INTS12: variants seen among roughly 807,000 people sequenced by gnomAD.
INTS12 encodes the protein integrator complex subunit 12, also known as PHD finger protein 22.
INTS12 carries 13 observed loss-of-function variants against 41.6 expected under a neutral mutation model. The ratio of observed to expected loss-of-function variants is 0.31; its 90% confidence interval spans 0.20 to 0.50. The LOEUF (loss-of-function observed/expected upper bound fraction) is 0.50, where lower values mean the gene tolerates loss of function less well. Among genes scored for constraint, INTS12 ranks in the 20% least tolerant of loss-of-function variants. INTS12 has a pLI of 0.98. For missense variants in INTS12, 432 were observed against 541.6 expected (o/e 0.80, Z 2.01); for synonymous variants, 199 against 191.4 (o/e 1.04, Z -0.33).
intron 4 of INTS12, among the ~76,000 whole-genome samples, chr4:105,694,438 G>A (rs965845169): frequency 6.6e-6 from 1 of 151,970 alleles, no homozygotes; most frequent in Non-Finnish European, 1.5e-5. Context: ...TGATTCTCAC[G>A]TCTCAGCCTC....
Position 105,699,873 on chromosome 4 carries a change from A to G in INTS12, c.133T>C (p.Ser45Pro). The part of the protein sequence containing the change: ...LDESLARGID[S>P]SYRPSQKDVE... ...ACCTTTTGAGATGGACGGTAACTGG[A>G]ATCAATGCCCCGAGCCAAAGATTCA... The change falls in exon 3 of 8, where the codon TCC becomes CCC. Residue 45 changes from serine to proline, a missense_variant. Ser to Pro is a moderately conservative substitution (Grantham distance 74). This residue lies in a region of INTS12 where 168 missense variants were observed against 198.9 expected (regional missense o/e 0.84). Transcript: ENST00000340139. 1 of 1,538,776 alleles carries G rather than the reference A, an allele frequency of 6.5e-7. No individual in the cohort carries two copies. The highest frequency in any genetic ancestry group is 8.8e-7 in the Non-Finnish European group (1 of 1,130,642).
chr4:105,692,301 C>T (rs549603059), intron 5 of INTS12, among the ~76,000 whole-genome samples, 166 bp from the exon 6 acceptor site: 2 of 151,766 alleles, frequency 1.3e-5, no homozygotes, highest in South Asian at 2.1e-4. Context: ...CTGGCTGACA[C>T]GGTGAAACCC....
At position 105,682,944 on chromosome 4, in the gene INTS12, A is replaced by G. The variant is rs749476434; in HGVS notation, c.1178T>C (p.Leu393Ser). 5.6e-6 allele frequency: 9 copies of G among 1,614,000 alleles called. No homozygotes were observed. Among genetic ancestry groups the G allele is most frequent in the Middle Eastern group, 3.3e-4 (2 of 6,084 alleles). The change falls in exon 8 of 8, where the codon TTA becomes TCA. Residue 393 changes from leucine to serine, a missense_variant. Around this residue, in one of 3 missense-constraint regions of INTS12, gnomAD observed 258 missense variants for 309.9 expected, o/e 0.83. Coordinates refer to ENST00000340139, the MANE Select transcript of INTS12 (RefSeq NM_020395.4). ...SKVGLPSPSS[L>S]VPGSSSQLSG... ...TAGTTGGCTGCTGCTTCCTGGAACT[A>G]AACTACTTGGACTAGGAAGACCTAC...
intron 3 of INTS12, among the ~76,000 whole-genome samples, chr4:105,697,788 G>GTGGATTACA (rs1380094108): frequency 1.3e-5 from 2 of 152,120 alleles, no homozygotes; most frequent in Non-Finnish European, 2.9e-5. Flanking sequence ...GGTGACACAT[G>GTGGATTACA]CCTGTAATCC....
intron 7 of INTS12, 42 bp downstream of exon 7, chr4:105,686,650 A>T (rs566501519): frequency 3.4e-6 from 5 of 1,479,022 alleles, no homozygotes; most frequent in Admixed American, 2.2e-5. Context: ...AGTCAACTAA[A>T]CTTTAAGATA....
rs1731748226 is a variant in INTS12, at chr4:105,693,233, AGGAGT to A, written c.497+61_497+65del. ...ACAATTTTTCTGATTTTGGGGGTTG[AGGAGT>A]GGAAAGGGTCATGTGTTCTTTATAA... is the stretch of plus-strand genomic sequence containing the variant. On this transcript the variant is annotated intron_variant, in intron 5 of 7. Transcript: ENST00000340139. The A allele has an allele frequency of 4.7e-6, 6 of 1,275,486 alleles. No individual in the cohort carries two copies. In the Admixed American group the frequency reaches 1.2e-4, roughly 25 times the overall value. The allele number at this position is 1,275,486 out of a possible 1,614,324, so 79.0% of individuals were successfully genotyped here. A position where few individuals can be genotyped will look rare whatever the true frequency, so the allele number is the denominator to read the frequency against.
In INTS12 at chr4:105,683,131, C is replaced by T. The variant is rs1731379537; in HGVS notation, c.991G>A (p.Val331Met). Residue 331 changes from valine to methionine, a missense_variant, in exon 8 of 8, where the codon GTG becomes ATG. By Grantham distance (21) the Val-to-Met change is conservative. Transcript: ENST00000340139. ...PATSSANQKP[V>M]GLTGLATSSK... ...GATGTTGCCAGACCAGTCAAACCCA[C>T]AGGTTTCTGGTTAGCTGACGAAGTA... The T allele has an allele frequency of 6.2e-7, 1 of 1,613,998 alleles. No individual in the cohort carries two copies. Among genetic ancestry groups the T allele is most frequent in the African/African-American group, 1.3e-5 (1 of 74,928 alleles).
chr4:105,702,735 C>A (rs1732128369), intron 2 of INTS12, among the ~76,000 whole-genome samples: 1 of 152,168 alleles, frequency 6.6e-6, no homozygotes, highest in Non-Finnish European at 1.5e-5. Flanking sequence ...TTACAGAAGC[C>A]TCCAATTTCT....
intron 4 of INTS12, 124 bp downstream of exon 4, chr4:105,695,392 A>C: frequency 1.6e-6 from 1 of 629,070 alleles, no homozygotes; most frequent in Non-Finnish European, 2.5e-6. Context: ...ATATTCACTG[A>C]GTGTTGATTA....
intron 2 of INTS12, among the ~76,000 whole-genome samples, chr4:105,700,600 A>G (rs970264435): frequency 2.6e-5 from 4 of 151,466 alleles, no homozygotes; most frequent in Non-Finnish European, 5.9e-5. Flanking sequence ...GTCTCAGAAA[A>G]CATATTAATG....
chr4:105,708,270 A>C, intron 1 of INTS12: 1 of 985,456 alleles, frequency 1.0e-6, no homozygotes, highest in Non-Finnish European at 1.2e-6. Context: ...AGCATCACAC[A>C]TCGAAGTCCT....
intron 3 of INTS12, among the ~76,000 whole-genome samples, chr4:105,696,570 T>C (rs537835408): frequency 1.3e-5 from 2 of 152,336 alleles, no homozygotes; most frequent in South Asian, 4.1e-4. Flanking sequence ...TAATATTCCA[T>C]TGAATGAATA....
chr4:105,703,890 C>T (rs1732171205), intron 1 of INTS12, 81 bp from the exon 2 acceptor site: 1 of 152,206 alleles, frequency 6.6e-6, no homozygotes, highest in Non-Finnish European at 1.5e-5. Flanking sequence ...TGCACTCATC[C>T]TTTCCTCTTT....
intron 1 of INTS12, among the ~76,000 whole-genome samples, chr4:105,704,651 T>C (rs1578394007): frequency 1.3e-5 from 2 of 152,234 alleles, no homozygotes; most frequent in African/African-American, 4.8e-5. Flanking sequence ...GATATATCAT[T>C]GGTGCCTCCT....
At chr4:105,683,925 TA>T (rs1344184827) in intron 7 of INTS12, among the ~76,000 whole-genome samples, 1 of 152,176 alleles carries the variant, frequency 6.6e-6, no homozygotes, top group East Asian at 1.9e-4. Flanking sequence ...CAAAGTTAAT[TA>T]CTTGGAAGTG....
chr4:105,684,895 G>A (rs1275980392), intron 7 of INTS12, among the ~76,000 whole-genome samples: 1 of 152,044 alleles, frequency 6.6e-6, no homozygotes, highest in Non-Finnish European at 1.5e-5. Flanking sequence ...CACTTAGGAA[G>A]TACAAGCAAG....
intron 6 of INTS12, among the ~76,000 whole-genome samples, chr4:105,691,207 C>G (rs1473380872): frequency 6.6e-6 from 1 of 152,078 alleles, no homozygotes; most frequent in East Asian, 1.9e-4. Flanking sequence ...CATGAGAACT[C>G]TGCAATTGAG....
intron 5 of INTS12, 40 bp downstream of exon 5, chr4:105,693,259 T>C (rs768836780): frequency 1.7e-5 from 25 of 1,502,572 alleles, no homozygotes; most frequent in Non-Finnish European, 2.3e-5. Flanking sequence ...ATGTGTTCTT[T>C]ATAAAGTAAC....
In INTS12 at chr4:105,695,495, A is replaced by G. The variant is rs376088212; in HGVS notation, c.309+21T>C. 75 of 1,567,610 alleles carry G rather than the reference A, an allele frequency of 4.8e-5. No individual in the cohort carries two copies. In the African/African-American group the frequency reaches 9.3e-4, roughly 20 times the overall value. On this transcript the variant is annotated intron_variant, in intron 4 of 7. Coordinates refer to ENST00000340139, the MANE Select transcript of INTS12 (RefSeq NM_020395.4). ...AACAACTAATTTACTTTCTTTTAAC[A>G]AGATTAAAATAAAATCTTACTTTAT...
Sources: gnomAD v4.1 joint callset for allele counts (sites outside exome capture counted in the v4.1 genomes callset) on GRCh38, gnomAD v4.1.1 for gene constraint, gnomAD v4.1.1 regional missense constraint, MANE v1.5 for transcripts, NCBI Gene and HGNC (gene_info 2026-07-23, HGNC 2026-07-21) for gene names.